Variants in GORASP1 observed in about 807,000 individuals in gnomAD.
GORASP1 encodes the protein Golgi reassembly-stacking protein 1.
GORASP1 carries 31 observed loss-of-function variants against 37.7 expected under a neutral mutation model. The ratio of observed to expected loss-of-function variants is 0.82; its 90% CI spans 0.62 to 1.11. The LOEUF is 1.11. GORASP1 is among the 50% of genes least tolerant of loss of function. The probability of loss-of-function intolerance (pLI) is 0.00; values close to 1 mark genes in which losing one functional copy is unlikely to be tolerated. For missense variants in GORASP1, 476 were observed against 560.7 expected (o/e 0.85, Z 1.53); for synonymous variants, 204 against 224.8 (o/e 0.91, Z 0.83).
Position 39,098,485 on chromosome 3 carries a change from CT to C in GORASP1, c.1073del (p.Glu358GlyfsTer29), listed in dbSNP as rs1559639956. On this transcript the variant is annotated frameshift_variant, in exon 9 of 9. Coordinates refer to ENST00000319283, the MANE Select transcript of GORASP1 (RefSeq NM_031899.4). LOFTEE classifies it high-confidence loss of function. This position sits in a 1 kb window ranked among gnomAD's most constrained non-coding sequence, Gnocchi z 4.7. Reference sequence around the variant, plus strand: ...CAAACTCTGACCCAGACCATGTAGCCTCACCTGCAACACAGAAGATCAGGCT... The same window carrying C: ...CAAACTCTGACCCAGACCATGTAGCCCACCTGCAACACAGAAGATCAGGCT... The part of the protein sequence containing the change: ...SSSSSHERGG[E>X]ATWSGSEFEV... 1 of 1,612,710 alleles carries C rather than the reference CT, an allele frequency of 6.2e-7. No individual in the cohort carries two copies. The highest frequency in any genetic ancestry group is 8.5e-7 in the Non-Finnish European group (1 of 1,179,124).
chr3:39,103,175 G>GA lies in GORASP1; in HGVS notation c.145-295dup. ...CAGCATTCCAGTGCTGCCCCACTCT[G>GA]AGCTGCCCCTTGGCCAGGGCCCTCA... On this transcript the variant is annotated intron_variant, in intron 2 of 8. Coordinates refer to ENST00000319283, the MANE Select transcript of GORASP1 (RefSeq NM_031899.4). This position sits in a 1 kb window ranked among gnomAD's most constrained non-coding sequence, Gnocchi z 5.2. 3 of 591,164 alleles carry GA rather than the reference G, an allele frequency of 5.1e-6. No homozygotes were observed. Among genetic ancestry groups the GA allele is most frequent in the Non-Finnish European group, 9.0e-6 (3 of 331,914 alleles). 36.6% of individuals were successfully genotyped at this position (591,164 alleles called of 1,614,324 possible).
chr3:39,098,058 AG>A lies in GORASP1; in HGVS notation c.*177del. On this transcript the variant is annotated 3_prime_UTR_variant, in exon 9 of 9. Coordinates refer to ENST00000319283, the MANE Select transcript of GORASP1 (RefSeq NM_031899.4). The surrounding 1 kb of genome is among the most constrained non-coding windows in gnomAD (Gnocchi z 4.7). Reference sequence around the variant, plus strand: ...AGAGCAGGACCAAGCACTGGACCTGAGGGTACACGGCCAAAAGATATCCTCC... The same window carrying A: ...AGAGCAGGACCAAGCACTGGACCTGAGGTACACGGCCAAAAGATATCCTCC... The A allele has an allele frequency of 1.4e-6, 1 of 690,608 alleles. No individual in the cohort carries two copies. The highest frequency in any genetic ancestry group is 2.4e-6 in the Non-Finnish European group (1 of 417,170). 42.8% of individuals were successfully genotyped at this position (690,608 alleles called of 1,614,324 possible).
In GORASP1 at chr3:39,107,535, G is replaced by C; in HGVS notation, c.7C>G (p.Leu3Val). The C allele has an allele frequency of 6.6e-7, 1 of 1,508,242 alleles. No individual in the cohort carries two copies. Among genetic ancestry groups the C allele is most frequent in the Non-Finnish European group, 8.8e-7 (1 of 1,138,346 alleles). 93.4% of individuals were successfully genotyped at this position (1,508,242 alleles called of 1,614,324 possible). ...GCGGGCTGCTCAGCGCTGACGCCCA[G>C]GCCCATGGCAGCGGCTCCGCTCGGC... MG[L>V]GVSAEQPAGG... Residue 3 changes from leucine to valine, a missense_variant, in exon 1 of 9, where the codon CTG becomes GTG. Physicochemically the swap from Leu to Val is conservative, Grantham distance 32 (BLOSUM62 1). Transcript: ENST00000319283.
At position 39,099,436 on chromosome 3, in the gene GORASP1, C is replaced by G; in HGVS notation, c.833G>C (p.Ser278Thr). 6.2e-7 allele frequency: 1 copy of G among 1,612,420 alleles called. No individual in the cohort carries two copies. The highest frequency in any genetic ancestry group is 8.5e-7 in the Non-Finnish European group (1 of 1,179,338). ...PLPGPGSPSH[S>T]APDPDGLPHF... ...GGGAAGTCCATCAGGGTCTGGAGCA[C>G]TGTGGCTGGGACTCCCAGGCCCAGG... The change falls in exon 7 of 9, where the codon AGT becomes ACT. Residue 278 changes from serine (S) to threonine (T), a missense_variant. By Grantham distance (58) the Ser-to-Thr change is moderately conservative (BLOSUM62 1). Transcript: ENST00000319283.
rs755759975 is a variant in GORASP1, at chr3:39,100,162, C to T, written c.765+143G>A. The stretch of plus-strand genomic sequence containing the variant: ...CAAAAGTGAGTTTCACTGCTCCAGG[C>T]ATGGCCTGCCTGCTCCCACTGGGTC... On this transcript the variant is annotated intron_variant, in intron 6 of 8. Transcript: ENST00000319283. The surrounding 1 kb of genome is among the most constrained non-coding windows in gnomAD (Gnocchi z 4.6). The T allele has an allele frequency of 7.8e-6, 6 of 771,942 alleles. No individual in the cohort carries two copies. The highest frequency in any genetic ancestry group is 1.3e-5 in the Non-Finnish European group (6 of 450,664). 47.8% of individuals were successfully genotyped at this position (771,942 alleles called of 1,614,324 possible). A position where few individuals can be genotyped will look rare whatever the true frequency, so the allele number is the denominator to read the frequency against.
Position 39,102,165 on chromosome 3 carries a change from G to GTTAC in GORASP1, c.348+509_348+512dup, listed in dbSNP as rs2035761221. Among the ~76,000 whole-genome samples the GTTAC allele has an allele frequency of 6.6e-6, 1 of 152,168 alleles. No homozygotes were observed. The highest frequency in any genetic ancestry group is 1.5e-5 in the Non-Finnish European group (1 of 68,020). ...CCTAGGCTACAAACCTGCACAGCATGTTACTATACTGAGTACTGTAGGCAA... is the reference window on the plus strand; with the variant it reads ...CCTAGGCTACAAACCTGCACAGCATGTTACTTACTATACTGAGTACTGTAGGCAA... On this transcript the variant is annotated intron_variant, in intron 3 of 8. Coordinates refer to ENST00000319283, the MANE Select transcript of GORASP1 (RefSeq NM_031899.4). This position sits in a 1 kb window ranked among gnomAD's most constrained non-coding sequence, Gnocchi z 5.0.
In GORASP1 at chr3:39,107,607, G is replaced by T; in HGVS notation, c.-66C>A. On this transcript the variant is annotated 5_prime_UTR_variant, in exon 1 of 9. It adds an upstream start codon to the 5' untranslated region. Coordinates refer to ENST00000319283, the MANE Select transcript of GORASP1 (RefSeq NM_031899.4). ...GCCTACCCGGACCGACCCGACGCCAGTAGCACCGACTCGCTCTCTCGGCGC... is the reference window on the plus strand; with the variant it reads ...GCCTACCCGGACCGACCCGACGCCATTAGCACCGACTCGCTCTCTCGGCGC... 7.1e-7 allele frequency: 1 copy of T among 1,406,852 alleles called. No homozygotes were observed. Among genetic ancestry groups the T allele is most frequent in the East Asian group, 2.5e-5 (1 of 40,022 alleles). 87.1% of individuals were successfully genotyped at this position (1,406,852 alleles called of 1,614,324 possible).
chr3:39,107,479 C>G lies in GORASP1; in HGVS notation c.63G>C (p.Gly21=). The G allele has an allele frequency of 1.4e-6, 2 of 1,421,014 alleles. No individual in the cohort carries two copies. Among genetic ancestry groups the G allele is most frequent in the Non-Finnish European group, 1.8e-6 (2 of 1,093,710 alleles). 88.0% of individuals were successfully genotyped at this position (1,421,014 alleles called of 1,614,324 possible). A position where few individuals can be genotyped will look rare whatever the true frequency, so the allele number is the denominator to read the frequency against. ...AGGAEGFHLH[G]VQENSPAQQA... ...CACCGGCGCCGCGGCGGCAACTCAC[C>G]CCGTGGAGGTGGAAGCCCTCGGCGC... The change falls in exon 1 of 9, where the codon GGG becomes GGC. Residue 21 remains glycine (G), a splice_region_variant and synonymous_variant. Transcript: ENST00000319283.
chr3:39,099,057 G>A, intron 7 of GORASP1, 164 bp from the exon 8 acceptor site: 2 of 927,422 alleles, frequency 2.2e-6, no homozygotes, highest in Admixed American at 2.1e-5. Context: ...TTCCCACACT[G>A]CCTGTTTCTG....
At position 39,098,551 on chromosome 3, in the gene GORASP1, C is replaced by A; in HGVS notation, c.1070-62G>T. ...GAACCTAGGGCCATGGTGTTAGGGCCAGTAACCCCACCGACCGCTCCCCAT... is the reference window on the plus strand; with the variant it reads ...GAACCTAGGGCCATGGTGTTAGGGCAAGTAACCCCACCGACCGCTCCCCAT... On this transcript the variant is annotated intron_variant, in intron 8 of 8. Transcript: ENST00000319283. The surrounding 1 kb of genome is among the most constrained non-coding windows in gnomAD (Gnocchi z 4.7). 1 of 1,559,168 alleles carries A rather than the reference C, an allele frequency of 6.4e-7. No homozygotes were observed. Among genetic ancestry groups the A allele is most frequent in the South Asian group, 1.2e-5 (1 of 81,554 alleles).
chr3:39,099,041 A>C, intron 7 of GORASP1, 148 bp from the exon 8 acceptor site: 1 of 1,034,102 alleles, frequency 9.7e-7, no homozygotes, highest in Non-Finnish European at 1.5e-6. Context: ...CCCAACCTCA[A>C]AGAGGTTCCC....
At chr3:39,104,600 C>T (rs936917525) in intron 1 of GORASP1, among the ~76,000 whole-genome samples, 1 of 152,238 alleles carries the variant, frequency 6.6e-6, no homozygotes, top group African/African-American at 2.4e-5. Flanking sequence ...GCTCCTGCTA[C>T]ATACCAGCCC....
rs2035836761 is a variant in GORASP1 at position 39,103,311 on chromosome 3, C to T, written c.144+162G>A. 3 of 608,826 alleles carry T rather than the reference C, an allele frequency of 4.9e-6. No homozygotes were observed. Among genetic ancestry groups the T allele is most frequent in the African/African-American group, 1.9e-5 (1 of 53,940 alleles). 37.7% of individuals were successfully genotyped at this position (608,826 alleles called of 1,614,324 possible). A position where few individuals can be genotyped will look rare whatever the true frequency, so the allele number is the denominator to read the frequency against. ...TCAGAAGCTGAGCACTGGGCAGGGC[C>T]CCAGTCAGGCTCTGAGTACAGCCCT... On this transcript the variant is annotated intron_variant, in intron 2 of 8. Coordinates refer to ENST00000319283, the MANE Select transcript of GORASP1 (RefSeq NM_031899.4). This position sits in a 1 kb window ranked among gnomAD's most constrained non-coding sequence, Gnocchi z 5.2.
chr3:39,098,252 A>T lies in GORASP1; in HGVS notation c.1307T>A (p.Ile436Asn). 6.2e-7 allele frequency: 1 copy of T among 1,614,040 alleles called. No homozygotes were observed. Among genetic ancestry groups the T allele is most frequent in the Non-Finnish European group, 8.5e-7 (1 of 1,179,992 alleles). The change falls in exon 9 of 9, where the codon ATC (isoleucine) becomes AAC (asparagine). Residue 436 changes from isoleucine to asparagine, a missense_variant. Transcript: ENST00000319283. This position sits in a 1 kb window ranked among gnomAD's most constrained non-coding sequence, Gnocchi z 4.7. ...EAEGLDSQAQ[I>N]STTE ...CCCAGGGTGTTATTCTGTGGTAGAG[A>T]TCTGGGCCTGGCTGTCCAGCCCCTC...
Position 39,100,620 on chromosome 3 carries a change from G to A in GORASP1, c.567-117C>T. 1.4e-6 allele frequency: 2 copies of A among 1,474,070 alleles called. No individual in the cohort carries two copies. Among genetic ancestry groups the A allele is most frequent in the Non-Finnish European group, 1.8e-6 (2 of 1,092,554 alleles). The allele number at this position is 1,474,070 out of a possible 1,614,324, so 91.3% of individuals were successfully genotyped here. On this transcript the variant is annotated intron_variant, in intron 5 of 8. Transcript: ENST00000319283. This position sits in a 1 kb window ranked among gnomAD's most constrained non-coding sequence, Gnocchi z 4.6. Reference sequence around the variant, plus strand: ...TGAAAAGGGTACTTCTGAAATACCGGTCAGCCTCAGGATCCCTGGGCCCAG... The same window carrying A: ...TGAAAAGGGTACTTCTGAAATACCGATCAGCCTCAGGATCCCTGGGCCCAG...
rs1468160262 is a variant in GORASP1 at position 39,105,013 on chromosome 3, TCC to T, written c.64-1462_64-1461del. Among the ~76,000 whole-genome samples, 7 of 152,000 alleles carry T rather than the reference TCC, an allele frequency of 4.6e-5. No homozygotes were observed. The highest frequency in any genetic ancestry group is 1.7e-4 in the African/African-American group (7 of 41,356). The stretch of plus-strand genomic sequence containing the variant: ...CACGTCAGGTGCCTGCCTACTTCCC[TCC>T]CCACTCCCCAGTATTGCATGTCAGC... On this transcript the variant is annotated intron_variant, in intron 1 of 8. Transcript: ENST00000319283. The surrounding 1 kb of genome is among the most constrained non-coding windows in gnomAD (Gnocchi z 5.4).
At chr3:39,101,583 G>A (rs1365905301) in intron 3 of GORASP1, 1 of 456,888 alleles carries the variant, frequency 2.2e-6, no homozygotes, top group South Asian at 1.5e-5. Context: ...AGGGGTTGGA[G>A]GTGAGGGCAA....
chr3:39,098,131 C>CCA lies in GORASP1; in HGVS notation c.*103_*104dup. 7.2e-7 allele frequency: 1 copy of CCA among 1,386,770 alleles called. No homozygotes were observed. The highest frequency in any genetic ancestry group is 9.8e-7 in the Non-Finnish European group (1 of 1,017,610). 85.9% of individuals were successfully genotyped at this position (1,386,770 alleles called of 1,614,324 possible). A position where few individuals can be genotyped will look rare whatever the true frequency, so the allele number is the denominator to read the frequency against. On this transcript the variant is annotated 3_prime_UTR_variant, in exon 9 of 9. Transcript: ENST00000319283. The surrounding 1 kb of genome is among the most constrained non-coding windows in gnomAD (Gnocchi z 4.7). ...TCACCACCCACTGAGGCCTCATGTC[C>CCA]CACCAAAGCAGCAAGGAATCCTGAC...
chr3:39,102,691 A>G lies in GORASP1; in HGVS notation c.335T>C (p.Val112Ala). ...FCSFRRASEQ[V>A]WHVLDVEPSS... ...CCCCACACTCACCAGCACATGCCACACCTGCTCACTGGCCCTGCGGAAGCT... is the reference window on the plus strand; with the variant it reads ...CCCCACACTCACCAGCACATGCCACGCCTGCTCACTGGCCCTGCGGAAGCT... The change falls in exon 3 of 9, where the codon GTG (valine) becomes GCG (alanine). Residue 112 changes from valine to alanine, a missense_variant. Val to Ala is a moderately conservative substitution (Grantham distance 64). Transcript: ENST00000319283. This position sits in a 1 kb window ranked among gnomAD's most constrained non-coding sequence, Gnocchi z 5.0. 3 of 1,613,954 alleles carry G rather than the reference A, an allele frequency of 1.9e-6. No individual in the cohort carries two copies. Among genetic ancestry groups the G allele is most frequent in the Non-Finnish European group, 2.5e-6 (3 of 1,179,996 alleles).
Sources: allele counts gnomAD v4.1 joint callset (sites outside exome capture counted in the v4.1 genomes callset), GRCh38; gene constraint gnomAD v4.1.1; non-coding constraint Gnocchi (gnomAD v3.1); transcripts MANE v1.5; gene names NCBI Gene and HGNC (gene_info 2026-07-23, HGNC 2026-07-21).